CELF5: variants seen among roughly 807,000 people sequenced by gnomAD.
CELF5 encodes the protein CUGBP Elav-like family member 5, also known as CUG-BP and ETR-3 like factor 5.
Under a neutral mutation model 54.9 loss-of-function variants are expected in CELF5, and 6 were observed. The observed-to-expected ratio is 0.11, with a 90% CI of 0.06 to 0.22. CELF5 has a LOEUF of 0.22. CELF5 is among the 10% of genes least tolerant of loss of function. The pLI is 1.00. For synonymous variants in CELF5, 271 were observed against 290.9 expected (o/e 0.93, Z 0.70); for missense variants, 401 against 678.6 (o/e 0.59, Z 4.54).
intron 1 of CELF5, among the ~76,000 whole-genome samples, chr19:3,243,726 G>A (rs970860115): frequency 1.3e-5 from 2 of 152,136 alleles, no homozygotes; most frequent in Non-Finnish European, 2.9e-5. Context: ...CCAGAAGTTC[G>A]AAATCAAGGT....
chr19:3,289,923 T>A (rs1220442485), intron 10 of CELF5, among the ~76,000 whole-genome samples: 1 of 151,916 alleles, frequency 6.6e-6, no homozygotes, highest in Non-Finnish European at 1.5e-5. Flanking sequence ...GTATCTGGGG[T>A]CAGAGATTGA....
intron 2 of CELF5, among the ~76,000 whole-genome samples, chr19:3,261,735 C>G (rs904926931): frequency 6.6e-6 from 1 of 151,586 alleles, no homozygotes; most frequent in African/African-American, 2.4e-5. Context: ...ACAGGAGGAT[C>G]ACTTGAGCCC....
At chr19:3,239,797 C>A (rs943678317) in intron 1 of CELF5, among the ~76,000 whole-genome samples, 1 of 152,028 alleles carries the variant, frequency 6.6e-6, no homozygotes, top group Non-Finnish European at 1.5e-5. Flanking sequence ...ACTCTGCCCC[C>A]TCACTGGCCT....
rs186030391 is a variant in CELF5 at position 3,235,036 on chromosome 19, C to T, written c.259+10038C>T. On this transcript the variant is annotated intron_variant, in intron 1 of 12. Coordinates refer to ENST00000292672, the MANE Select transcript of CELF5 (RefSeq NM_021938.4). ...GCTGAAGTCCTCCCGTGACCTGCCTCATCCCCTTCATACCATCCCCTGCCC... is the reference window on the plus strand; with the variant it reads ...GCTGAAGTCCTCCCGTGACCTGCCTTATCCCCTTCATACCATCCCCTGCCC... Among the ~76,000 whole-genome samples the T allele has an allele frequency of 4.6e-5, 7 of 152,232 alleles. No individual in the cohort carries two copies. The East Asian group carries it at 1.4e-3, about 29-fold the overall frequency.
At chr19:3,237,719 G>A (rs1462321064) in intron 1 of CELF5, among the ~76,000 whole-genome samples, 3 of 152,112 alleles carry the variant, frequency 2.0e-5, no homozygotes, top group Admixed American at 6.6e-5. Flanking sequence ...TTTTGATACC[G>A]TTCTGCCAAC....
At chr19:3,277,973 CG>C in intron 4 of CELF5, 57 bp from the exon 5 acceptor site, 1 of 1,408,708 alleles carries the variant, frequency 7.1e-7, no homozygotes, top group African/African-American at 1.4e-5. Flanking sequence ...CTGTGGCCCC[CG>C]CTCAGCCAGT....
At chr19:3,245,340 GTGTT>G (rs746835384) in intron 1 of CELF5, among the ~76,000 whole-genome samples, 10 of 144,140 alleles carry the variant, frequency 6.9e-5, no homozygotes, top group South Asian at 2.2e-4. Context: ...GTGTGTGCGT[GTGTT>G]TGTGTGCATG....
intron 10 of CELF5, 193 bp downstream of exon 10, chr19:3,286,218 G>C: frequency 1.9e-6 from 1 of 517,070 alleles, no homozygotes; most frequent in East Asian, 3.5e-5. Flanking sequence ...TTCCTCCTCC[G>C]AAAAGAGAAC....
chr19:3,226,885 G>T (rs1223332896), intron 1 of CELF5, among the ~76,000 whole-genome samples: 1 of 152,002 alleles, frequency 6.6e-6, no homozygotes. Context: ...CAGTTTCCCT[G>T]CTGTCAACAG....
intron 1 of CELF5, among the ~76,000 whole-genome samples, chr19:3,233,301 C>A (rs1190028045): frequency 3.4e-4 from 51 of 152,138 alleles, no homozygotes; most frequent in Non-Finnish European, 4.4e-5. Context: ...ATTCAAAAGG[C>A]AACAACTTTA....
chr19:3,240,312 T>G (rs1421556633), intron 1 of CELF5, among the ~76,000 whole-genome samples: 1 of 149,288 alleles, frequency 6.7e-6, no homozygotes, highest in Non-Finnish European at 1.5e-5. Flanking sequence ...CCACTGCACC[T>G]GGCCCTTCTT....
At chr19:3,296,462 GAAAAAAGAAAAAAAAAT>G (rs2080453969) in intron 12 of CELF5, 1 of 74,494 alleles carries the variant, frequency 1.3e-5, no homozygotes, top group Non-Finnish European at 2.7e-5. Flanking sequence ...AAAAAGAAAA[GAAAAAAGAAAAAAAAAT>G]AGAAAAGAAA....
intron 1 of CELF5, among the ~76,000 whole-genome samples, chr19:3,229,519 G>T (rs1343209938): frequency 6.6e-6 from 1 of 152,202 alleles, no homozygotes; most frequent in Non-Finnish European, 1.5e-5. Flanking sequence ...GAGGCAGTTA[G>T]TGTAGGAGAG....
At chr19:3,285,738 G>GC (rs1242256472) in intron 9 of CELF5, among the ~76,000 whole-genome samples, 1 of 110,786 alleles carries the variant, frequency 9.0e-6, no homozygotes, top group African/African-American at 3.4e-5. Flanking sequence ...TCAGGCAATA[G>GC]CCCCTCCCCG....
chr19:3,263,920 A>C (rs1318663816), intron 2 of CELF5, among the ~76,000 whole-genome samples: 1 of 152,166 alleles, frequency 6.6e-6, no homozygotes. Context: ...TAAATAAATA[A>C]ATAATAAATA....
chr19:3,243,024 T>C (rs12462998), intron 1 of CELF5, among the ~76,000 whole-genome samples: 16,631 of 152,100 alleles, frequency 0.11, 997 homozygotes, highest in East Asian at 0.26. Flanking sequence ...CTGTGTGACC[T>C]TGGGCAAGCC....
intron 4 of CELF5, among the ~76,000 whole-genome samples, chr19:3,277,429 G>A (rs1364928889): frequency 6.6e-6 from 1 of 152,166 alleles, no homozygotes; most frequent in Admixed American, 6.5e-5. Flanking sequence ...CCGAGATCAC[G>A]CCACTGCACT....
intron 12 of CELF5, chr19:3,294,849 TG>T (rs2080409633): frequency 6.6e-6 from 1 of 152,232 alleles, no homozygotes; most frequent in African/African-American, 2.4e-5. Flanking sequence ...GGCTTGGTGA[TG>T]GTGACATTAA....
intron 12 of CELF5, chr19:3,293,916 A>T (rs1174319756): frequency 6.2e-6 from 1 of 160,200 alleles, no homozygotes; most frequent in Non-Finnish European, 1.4e-5. Context: ...CAGACCCCAA[A>T]CCCTAAGGTT....
Sources: gnomAD v4.1 joint callset for allele counts (sites outside exome capture counted in the v4.1 genomes callset) on GRCh38, gnomAD v4.1.1 for gene constraint, MANE v1.5 for transcripts, NCBI Gene and HGNC (gene_info 2026-07-23, HGNC 2026-07-21) for gene names.